The following SBF2 variants were observed in gnomAD, a reference collection of about 807,000 sequenced individuals.
SBF2 encodes the protein myotubularin-related protein 13.
In SBF2, 112 loss-of-function variants were observed where a neutral mutation model predicts 225.2. That is an observed-to-expected ratio of 0.50 (90% CI 0.43 to 0.58). The LOEUF is 0.58. SBF2 is among the 20% of genes least tolerant of loss of function. The probability of loss-of-function intolerance (pLI) is 0.00; values close to 1 mark genes in which losing one functional copy is unlikely to be tolerated. For synonymous variants in SBF2, 763 were observed against 773.3 expected (o/e 0.99, Z 0.22); for missense variants, 1,996 against 2,206.2 (o/e 0.90, Z 1.91).
chr11:10,179,797 T>C (rs1036774402), intron 2 of SBF2, among the ~76,000 whole-genome samples: 4 of 152,290 alleles, frequency 2.6e-5, no homozygotes, highest in African/African-American at 9.6e-5. Flanking sequence ...TGTCTTCCTT[T>C]TAGTGAAGGT....
chr11:10,172,872 T>G (rs916182771), intron 2 of SBF2, among the ~76,000 whole-genome samples: 23 of 152,290 alleles, frequency 1.5e-4, no homozygotes, highest in African/African-American at 5.5e-4. Context: ...TTTGCCATGC[T>G]GGCCAGGCTG....
At chr11:10,043,003 A>T in intron 2 of SBF2, 22 bp from the exon 3 acceptor site, 1 of 1,610,084 alleles carries the variant, frequency 6.2e-7, no homozygotes, top group African/African-American at 1.3e-5. Context: ...AGAAAAAAAA[A>T]TGTAACATTT....
chr11:9,929,416 C>T (rs114913493), intron 16 of SBF2, among the ~76,000 whole-genome samples: 1 of 152,092 alleles, frequency 6.6e-6, no homozygotes, highest in Non-Finnish European at 1.5e-5. Flanking sequence ...GGGGTAGGAC[C>T]AAGAAGCAGC....
rs572130894 is a variant in SBF2 at position 9,781,501 on chromosome 11, A to G, written c.5451+6T>C. On this transcript the variant is annotated splice_donor_region_variant and intron_variant, in intron 39 of 39. Transcript: ENST00000256190. ...AGCCAGGAAAAGAGAAGTAAGATCA[A>G]CTTACATCAAAGAAAGCCTTGTCAC... The G allele has an allele frequency of 1.2e-6, 2 of 1,614,184 alleles. No individual in the cohort carries two copies. Among genetic ancestry groups the G allele is most frequent in the Admixed American group, 1.7e-5 (1 of 60,034 alleles).
At chr11:9,809,171 C>A in intron 30 of SBF2, 169 bp from the exon 31 acceptor site, 1 of 588,588 alleles carries the variant, frequency 1.7e-6, no homozygotes, top group Admixed American at 2.8e-5. Flanking sequence ...CAAGATTAAA[C>A]AATGACACTT....
chr11:10,023,422 C>G (rs550044277), intron 6 of SBF2, among the ~76,000 whole-genome samples: 77 of 152,240 alleles, frequency 5.1e-4, no homozygotes, highest in African/African-American at 1.8e-3. Context: ...GTATACAATT[C>G]AGTGGTTTTT....
chr11:9,966,991 T>C (rs1390901141), intron 14 of SBF2, among the ~76,000 whole-genome samples: 3 of 152,154 alleles, frequency 2.0e-5, no homozygotes, highest in African/African-American at 4.8e-5. Flanking sequence ...ATAGCCAAAA[T>C]GTAGAACCAA....
chr11:10,069,969 T>C (rs1195605184), intron 2 of SBF2, among the ~76,000 whole-genome samples: 4 of 152,268 alleles, frequency 2.6e-5, no homozygotes, highest in Non-Finnish European at 5.9e-5. Flanking sequence ...TTTTGAGAAG[T>C]GTCTGTTCAT....
intron 2 of SBF2, among the ~76,000 whole-genome samples, chr11:10,108,125 C>T (rs1590971813): frequency 6.6e-6 from 1 of 152,302 alleles, no homozygotes; most frequent in East Asian, 1.9e-4. Flanking sequence ...TCTCCGGATA[C>T]AGCCATCAAA....
rs979911487 is a variant in SBF2, at chr11:9,994,108, G to T, written c.976-110C>A. 3.3e-5 allele frequency: 28 copies of T among 854,550 alleles called. No homozygotes were observed. In the South Asian group the frequency reaches 4.1e-4, roughly 13 times the overall value. 52.9% of individuals were successfully genotyped at this position (854,550 alleles called of 1,614,324 possible). A position where few individuals can be genotyped will look rare whatever the true frequency, so the allele number is the denominator to read the frequency against. ...ATGAATTATAATATATTCCCTCCAT[G>T]AATACAATTCAATTAGCTGGGGTAG... On this transcript the variant is annotated intron_variant, in intron 9 of 39. Transcript: ENST00000256190.
At chr11:10,226,421 C>T (rs1334315059) in intron 1 of SBF2, among the ~76,000 whole-genome samples, 1 of 151,986 alleles carries the variant, frequency 6.6e-6, no homozygotes, top group Non-Finnish European at 1.5e-5. Flanking sequence ...TGCTGGTGTG[C>T]TGCACCCATC....
At chr11:10,164,901 A>G (rs535498180) in intron 2 of SBF2, 71 of 152,348 alleles carry the variant, frequency 4.7e-4, no homozygotes, top group African/African-American at 1.6e-3. Context: ...GTTTCACACT[A>G]AACTACCACA....
chr11:10,149,782 A>G (rs933386361), intron 2 of SBF2, among the ~76,000 whole-genome samples: 4 of 152,234 alleles, frequency 2.6e-5, no homozygotes, highest in Non-Finnish European at 4.4e-5. Flanking sequence ...TTACACAACA[A>G]AAGTTTTCCC....
At chr11:10,184,020 A>G (rs1956834934) in intron 2 of SBF2, among the ~76,000 whole-genome samples, 1 of 152,212 alleles carries the variant, frequency 6.6e-6, no homozygotes, top group Non-Finnish European at 1.5e-5. Flanking sequence ...AATGATAGGT[A>G]TTTGAGGTGA....
intron 1 of SBF2, among the ~76,000 whole-genome samples, chr11:10,240,198 T>C (rs1464187203): frequency 2.0e-5 from 3 of 151,914 alleles, no homozygotes; most frequent in Non-Finnish European, 2.9e-5. Context: ...CATGATAATT[T>C]TAATGAAGTG....
intron 1 of SBF2, among the ~76,000 whole-genome samples, chr11:10,228,491 G>T (rs934701113): frequency 2.0e-5 from 3 of 152,146 alleles, no homozygotes; most frequent in Non-Finnish European, 4.4e-5. Flanking sequence ...TTTGAGATAC[G>T]TCCCATCAAT....
chr11:10,032,293 C>CCA (rs1565154795), intron 3 of SBF2, among the ~76,000 whole-genome samples: 1 of 152,086 alleles, frequency 6.6e-6, no homozygotes, highest in African/African-American at 2.4e-5. Context: ...GTCAACAAAC[C>CCA]CTGATTTCTT....
chr11:10,131,527 A>G (rs10743130), intron 2 of SBF2, among the ~76,000 whole-genome samples: 130,529 of 152,028 alleles, frequency 0.86, 58,493 homozygotes, highest in Non-Finnish European at 0.97. Context: ...TCCGCCTCCC[A>G]GGTTCAAGCG....
intron 26 of SBF2, 66 bp downstream of exon 26, chr11:9,839,432 C>T: frequency 6.8e-7 from 1 of 1,466,582 alleles, no homozygotes; most frequent in Non-Finnish European, 9.5e-7. Context: ...TGCAAATGGC[C>T]TATTAAAGAT....
Sources: gnomAD v4.1 joint callset for allele counts (sites outside exome capture counted in the v4.1 genomes callset) on GRCh38, gnomAD v4.1.1 for gene constraint, MANE v1.5 for transcripts, NCBI Gene and HGNC (gene_info 2026-07-23, HGNC 2026-07-21) for gene names.